NPNT: variants seen among roughly 807,000 people sequenced by gnomAD.
NPNT encodes the protein preosteoblast EGF-like repeat protein with MAM domain.
In NPNT, 45 loss-of-function variants were observed where a neutral mutation model predicts 68.6. The ratio of observed to expected loss-of-function variants is 0.66; its 90% CI spans 0.52 to 0.84. NPNT has a LOEUF of 0.84. Ranked by LOEUF, NPNT falls within the 40% of genes least tolerant of loss-of-function variation. The probability of loss-of-function intolerance (pLI) is 0.00; values close to 1 mark genes in which losing one functional copy is unlikely to be tolerated. For synonymous variants in NPNT, 233 were observed against 253.3 expected, an observed-to-expected ratio of 0.92 and a Z score of 0.76; for missense variants, 672 against 714.8, an observed-to-expected ratio of 0.94 and a Z score of 0.68.
intron 8 of NPNT, among the ~76,000 whole-genome samples, chr4:105,951,667 T>G (rs1286353607): frequency 1.3e-5 from 2 of 152,234 alleles, no homozygotes; most frequent in Non-Finnish European, 2.9e-5. Flanking sequence ...GAGCGAATTG[T>G]CACTTCTCAC....
At chr4:105,939,782 G>C (rs1312084760) in intron 5 of NPNT, among the ~76,000 whole-genome samples, 1 of 152,070 alleles carries the variant, frequency 6.6e-6, no homozygotes, top group Admixed American at 6.6e-5. Context: ...AAGGAAAGAG[G>C]GTTGTTTCTA....
At chr4:105,952,815 C>G (rs1245562178) in intron 8 of NPNT, among the ~76,000 whole-genome samples, 6 of 152,148 alleles carry the variant, frequency 3.9e-5, no homozygotes. Context: ...GCACTCAGTC[C>G]AAGCAGCCCT....
chr4:105,913,841 C>T (rs192339164), intron 2 of NPNT, among the ~76,000 whole-genome samples: 29 of 152,192 alleles, frequency 1.9e-4, no homozygotes, highest in African/African-American at 5.3e-4. Context: ...CATAAACCTC[C>T]GAGTGGAACA....
intron 2 of NPNT, among the ~76,000 whole-genome samples, chr4:105,915,887 A>G (rs1274324585): frequency 6.6e-6 from 1 of 152,158 alleles, no homozygotes; most frequent in Non-Finnish European, 1.5e-5. Context: ...AACATTGATT[A>G]TTGCCACAAC....
At chr4:105,925,365 G>A (rs534007604) in intron 2 of NPNT, among the ~76,000 whole-genome samples, 2 of 152,144 alleles carry the variant, frequency 1.3e-5, no homozygotes, top group South Asian at 2.1e-4. Flanking sequence ...ATTTGTGGTG[G>A]TACAGGGTCC....
intron 8 of NPNT, among the ~76,000 whole-genome samples, chr4:105,947,422 T>A (rs1730471821): frequency 6.6e-6 from 1 of 152,234 alleles, no homozygotes; most frequent in Admixed American, 6.5e-5. Flanking sequence ...TAAATGTCCA[T>A]GAAATCTTCA....
At chr4:105,967,659 C>G (rs996816844) in intron 11 of NPNT, among the ~76,000 whole-genome samples, 2 of 151,968 alleles carry the variant, frequency 1.3e-5, no homozygotes, top group African/African-American at 4.8e-5. Context: ...CACCACCTCT[C>G]CCTAACCCTG....
chr4:105,943,341 C>T (rs1450928910), intron 8 of NPNT, among the ~76,000 whole-genome samples: 1 of 152,140 alleles, frequency 6.6e-6, no homozygotes, highest in Non-Finnish European at 1.5e-5. Context: ...ACAGGGACAG[C>T]CCAACAAATG....
At chr4:105,944,260 C>CT (rs1398729190) in intron 8 of NPNT, among the ~76,000 whole-genome samples, 1 of 152,086 alleles carries the variant, frequency 6.6e-6, no homozygotes, top group Admixed American at 6.6e-5. Flanking sequence ...CAGATACTGT[C>CT]TTTTTCTCCC....
At chr4:105,942,814 A>G (rs1730094788) in intron 8 of NPNT, 112 bp downstream of exon 8, 1 of 999,958 alleles carries the variant, frequency 1.0e-6, no homozygotes, top group Non-Finnish European at 1.5e-6. Context: ...AGCTATGTAA[A>G]GTCGTATGTC....
In NPNT at chr4:105,897,898, T is replaced by C. The variant is rs1725999298; in HGVS notation, c.72-3T>C. On this transcript the variant is annotated splice_region_variant and splice_polypyrimidine_tract_variant and intron_variant, in intron 1 of 11. Coordinates refer to ENST00000379987, the MANE Select transcript of NPNT (RefSeq NM_001033047.3). ...ATTTATTTTGAATCTTTTTTTTTGGTAGGTGGCCCAGGCAAATAGTGTCAT... is the reference window on the plus strand; with the variant it reads ...ATTTATTTTGAATCTTTTTTTTTGGCAGGTGGCCCAGGCAAATAGTGTCAT... 3 of 1,604,798 alleles carry C rather than the reference T, an allele frequency of 1.9e-6. No homozygotes were observed. The highest frequency in any genetic ancestry group is 2.6e-6 in the Non-Finnish European group (3 of 1,171,488).
intron 8 of NPNT, among the ~76,000 whole-genome samples, chr4:105,956,486 G>A (rs556048114): frequency 9.2e-5 from 14 of 152,136 alleles, no homozygotes; most frequent in Admixed American, 2.0e-4. Context: ...AAAAAAAGAC[G>A]GAGGGGAGCT....
rs373041887 is a variant in NPNT, at chr4:105,967,312, G to A, written c.1470G>A (p.Thr490=). The stretch of plus-strand genomic sequence containing the variant: ...GCCTGTCATTCAGGCACAAGGTGAC[G>A]GGGCTGCACTCTGGCACACTCCAGG... The part of the protein sequence containing the change: ...DLCLSFRHKV[T]GLHSGTLQVF... Residue 490 remains threonine, a synonymous_variant, in exon 11 of 12, where the codon ACG becomes ACA. Transcript: ENST00000379987. The A allele has an allele frequency of 2.6e-5, 42 of 1,613,880 alleles. No individual in the cohort carries two copies. In the African/African-American group the frequency reaches 3.1e-4, roughly 12 times the overall value.
chr4:105,917,603 G>A (rs187561049), intron 2 of NPNT, among the ~76,000 whole-genome samples: 40 of 152,246 alleles, frequency 2.6e-4, no homozygotes, highest in African/African-American at 9.4e-4. Context: ...TATAATTTAT[G>A]ATAGAAGTAT....
At chr4:105,908,221 G>A (rs1217321744) in intron 2 of NPNT, among the ~76,000 whole-genome samples, 1 of 151,480 alleles carries the variant, frequency 6.6e-6, no homozygotes, top group Non-Finnish European at 1.5e-5. Context: ...TAGATGCCAG[G>A]GGAGTGCAAA....
chr4:105,959,968 C>T (rs1212321364), intron 10 of NPNT, among the ~76,000 whole-genome samples: 2 of 152,122 alleles, frequency 1.3e-5, no homozygotes, highest in East Asian at 3.9e-4. Context: ...TGCCACCATG[C>T]CCGGCTAATT....
At chr4:105,905,422 A>G (rs1578579154) in intron 2 of NPNT, among the ~76,000 whole-genome samples, 1 of 152,300 alleles carries the variant, frequency 6.6e-6, no homozygotes, top group Non-Finnish European at 1.5e-5. Context: ...ACCTTCCCAC[A>G]GGCTACCACT....
At chr4:105,912,994 A>G (rs1055959526) in intron 2 of NPNT, among the ~76,000 whole-genome samples, 3 of 152,228 alleles carry the variant, frequency 2.0e-5, no homozygotes, top group Non-Finnish European at 4.4e-5. Context: ...CAGGCTCCTG[A>G]GTAGCTGGGA....
intron 1 of NPNT, 194 bp downstream of exon 1, chr4:105,895,917 G>T (rs1725791566): frequency 1.7e-6 from 1 of 577,858 alleles, no homozygotes; most frequent in African/African-American, 1.9e-5. Context: ...GAGAGGGCGC[G>T]CCCTTGCGAG....
Sources: gnomAD v4.1 joint callset for allele counts (sites outside exome capture counted in the v4.1 genomes callset) on GRCh38, gnomAD v4.1.1 for gene constraint, MANE v1.5 for transcripts, NCBI Gene and HGNC (gene_info 2026-07-23, HGNC 2026-07-21) for gene names.